The following PREX1 variants were observed in gnomAD, a reference collection of about 807,000 sequenced individuals.
PREX1 encodes phosphatidylinositol-3,4,5-trisphosphate dependent Rac exchange factor 1.
A neutral mutation model predicts 198.3 loss-of-function variants in PREX1; 41 were observed. The ratio of observed to expected loss-of-function variants is 0.21; its 90% CI spans 0.16 to 0.27. The LOEUF (loss-of-function observed/expected upper bound fraction) is 0.27, where lower values mean the gene tolerates loss of function less well. Among genes scored for constraint, PREX1 ranks in the 10% least tolerant of loss-of-function variants. PREX1 has a pLI of 1.00. For missense variants in PREX1, 1,620 were observed against 2,200.7 expected (o/e 0.74, Z 5.28); for synonymous variants, 843 against 887.2 (o/e 0.95, Z 0.89).
At chr20:48,660,581 T>G (rs1168039822) in intron 15 of PREX1, among the ~76,000 whole-genome samples, 2 of 152,136 alleles carry the variant, frequency 1.3e-5, no homozygotes, top group East Asian at 3.9e-4. Flanking sequence ...CTAACAAAAC[T>G]AAATATAGGA....
At chr20:48,867,352 G>A in the PREX1 span, among the ~76,000 whole-genome samples, 1 of 152,232 alleles carries the variant, frequency 6.6e-6, no homozygotes, top group South Asian at 2.1e-4. Context: ...CAGAATCATA[G>A]AGGCAGGAGA....
chr20:48,689,067 G>T (rs934051652), intron 9 of PREX1, among the ~76,000 whole-genome samples: 2 of 152,232 alleles, frequency 1.3e-5, no homozygotes, highest in African/African-American at 4.8e-5. Context: ...ATGACAGGGG[G>T]TCATGCCTTC....
At chr20:48,777,045 A>G (rs2090265670) in intron 1 of PREX1, among the ~76,000 whole-genome samples, 1 of 152,200 alleles carries the variant, frequency 6.6e-6, no homozygotes, top group Admixed American at 6.5e-5. Flanking sequence ...TCCACTCATC[A>G]ATATGAATAA....
chr20:48,798,909 C>T (rs754064), intron 1 of PREX1, among the ~76,000 whole-genome samples: 18,831 of 152,066 alleles, frequency 0.12, 1,242 homozygotes, highest in Middle Eastern at 0.25. Context: ...TAACTTTTTT[C>T]TTTTTGAGAC....
intron 1 of PREX1, among the ~76,000 whole-genome samples, chr20:48,789,914 G>A (rs2090330519): frequency 6.6e-6 from 1 of 152,052 alleles, no homozygotes; most frequent in Non-Finnish European, 1.5e-5. Flanking sequence ...GAAAGAAGAA[G>A]GGAGAAAAAG....
At chr20:48,786,810 G>GGAAA (rs201799727) in intron 1 of PREX1, among the ~76,000 whole-genome samples, 2 of 36,580 alleles carry the variant, frequency 5.5e-5, no homozygotes, top group African/African-American at 4.4e-4. Flanking sequence ...AGAGAAGGAA[G>GGAAA]GAAAGAAAAA....
Position 48,725,025 on chromosome 20 carries a change from C to T in PREX1, c.621+1265G>A, listed in dbSNP as rs371908160. ...GCATGGGAGAGCTGCGTCCCACCCCCACGGCTGCGCACAGCAAAGTCCTGT... is the reference window on the plus strand; with the variant it reads ...GCATGGGAGAGCTGCGTCCCACCCCTACGGCTGCGCACAGCAAAGTCCTGT... On this transcript the variant is annotated intron_variant, in intron 5 of 39. Transcript: ENST00000371941. 3.3e-5 allele frequency among the ~76,000 whole-genome samples: 5 copies of T among 152,356 alleles called. No individual in the cohort carries two copies. In the East Asian group the frequency reaches 9.6e-4, roughly 29 times the overall value.
intron 37 of PREX1, among the ~76,000 whole-genome samples, chr20:48,628,281 G>A (rs1041257514): frequency 6.6e-6 from 1 of 152,224 alleles, no homozygotes; most frequent in Admixed American, 6.5e-5. Flanking sequence ...CTGAGTGAGT[G>A]GGGGACTCCC....
At chr20:48,782,413 G>A (rs2090293868) in intron 1 of PREX1, among the ~76,000 whole-genome samples, 2 of 152,074 alleles carry the variant, frequency 1.3e-5, no homozygotes, top group Admixed American at 1.3e-4. Flanking sequence ...CCATGATTGT[G>A]AGGCCTCCCC....
chr20:48,737,416 C>T (rs1029367447), intron 3 of PREX1, among the ~76,000 whole-genome samples: 3 of 152,002 alleles, frequency 2.0e-5, no homozygotes, highest in Non-Finnish European at 4.4e-5. Context: ...TCAGCTCCAT[C>T]GGGACGGCGT....
At chr20:48,637,773 GA>G (rs1156604264) in intron 30 of PREX1, 21 bp from the exon 31 acceptor site, 3 of 1,595,972 alleles carry the variant, frequency 1.9e-6, no homozygotes, top group African/African-American at 1.3e-5. Context: ...AAGGGAGACA[GA>G]AAGGGGGACG....
chr20:48,654,168 T>C (rs774735601), intron 19 of PREX1, among the ~76,000 whole-genome samples: 1 of 152,244 alleles, frequency 6.6e-6, no homozygotes. Flanking sequence ...CTCTGGAGGC[T>C]GGCTTCCTCA....
intron 30 of PREX1, among the ~76,000 whole-genome samples, chr20:48,638,645 C>A (rs192669740): frequency 6.4e-4 from 97 of 151,708 alleles, no homozygotes; most frequent in Non-Finnish European, 1.3e-3. Context: ...CCAGGCACCA[C>A]GGCAGGACTC....
intron 22 of PREX1, 112 bp downstream of exon 22, chr20:48,651,284 C>G: frequency 7.6e-6 from 11 of 1,442,456 alleles, no homozygotes; most frequent in Non-Finnish European, 1.0e-5. Context: ...CAGGCTAAGC[C>G]TGAGGAAATG....
chr20:48,667,801 T>TGGGGCAGTTGATCAA (rs2089649606), intron 14 of PREX1, among the ~76,000 whole-genome samples: 1 of 152,150 alleles, frequency 6.6e-6, no homozygotes, highest in South Asian at 2.1e-4. Context: ...GTCATCTTGG[T>TGGGGCAGTTGATCAA]GGGGCAGTTG....
At chr20:48,653,572 CCCA>C in intron 19 of PREX1, 75 bp from the exon 20 acceptor site, 1 of 1,543,064 alleles carries the variant, frequency 6.5e-7, no homozygotes, top group Non-Finnish European at 8.8e-7. Flanking sequence ...TCCCCCACCA[CCCA>C]CCACTGCAAC....
intron 30 of PREX1, among the ~76,000 whole-genome samples, chr20:48,639,410 C>T (rs780543190): frequency 6.6e-6 from 1 of 152,256 alleles, no homozygotes; most frequent in Non-Finnish European, 1.5e-5. Context: ...CGGTGTCCCT[C>T]ATACCCTGAT....
chr20:48,713,987 G>A (rs2089949913), intron 5 of PREX1, among the ~76,000 whole-genome samples: 2 of 152,034 alleles, frequency 1.3e-5, no homozygotes, highest in African/African-American at 4.8e-5. Flanking sequence ...GCAATTAAAT[G>A]GACAAAAGAA....
intron 6 of PREX1, among the ~76,000 whole-genome samples, chr20:48,705,099 A>T (rs2089896833): frequency 6.6e-6 from 1 of 152,234 alleles, no homozygotes; most frequent in South Asian, 2.1e-4. Flanking sequence ...GGCACTGCCG[A>T]GGACTCTGTA....
Sources: allele counts gnomAD v4.1 joint callset (sites outside exome capture counted in the v4.1 genomes callset), GRCh38; gene constraint gnomAD v4.1.1; transcripts MANE v1.5; gene names NCBI Gene and HGNC (gene_info 2026-07-23, HGNC 2026-07-21).